Variants in TMEM132C observed in about 807,000 individuals in gnomAD.
TMEM132C encodes protein phosphatase 1, regulatory subunit 152.
In TMEM132C, 29 loss-of-function variants were observed where a neutral mutation model predicts 61.4. The ratio of observed to expected loss-of-function variants is 0.47; its 90% confidence interval spans 0.35 to 0.64. The LOEUF (loss-of-function observed/expected upper bound fraction) is 0.64, where lower values mean the gene tolerates loss of function less well. Ranked by LOEUF, TMEM132C falls within the 30% of genes least tolerant of loss-of-function variation. TMEM132C has a pLI of 0.00. For synonymous variants in TMEM132C, 656 were observed against 633.1 expected, an observed-to-expected ratio of 1.04 and a Z score of -0.54; for missense variants, 1,408 against 1,476.9, an observed-to-expected ratio of 0.95 and a Z score of 0.76.
chr12:128,568,667 CTA>C (rs1874778173), intron 3 of TMEM132C, among the ~76,000 whole-genome samples: 1 of 152,216 alleles, frequency 6.6e-6, no homozygotes, highest in African/African-American at 2.4e-5. Context: ...AGCTCAGAAT[CTA>C]TGTTCTTAAC....
chr12:128,474,781 T>C (rs1871101106), intron 2 of TMEM132C, among the ~76,000 whole-genome samples: 1 of 152,130 alleles, frequency 6.6e-6, no homozygotes, highest in African/African-American at 2.4e-5. Context: ...CAGTGGTCTG[T>C]TGAAAACCTC....
intron 4 of TMEM132C, among the ~76,000 whole-genome samples, chr12:128,639,510 C>A (rs184776151): frequency 6.6e-6 from 1 of 152,194 alleles, no homozygotes; most frequent in South Asian, 2.1e-4. Context: ...AAAATCAGAT[C>A]TGATAAATGA....
chr12:128,452,538 C>T (rs796112451), intron 2 of TMEM132C, among the ~76,000 whole-genome samples: 2 of 149,874 alleles, frequency 1.3e-5, no homozygotes, highest in South Asian at 4.3e-4. Context: ...CAAAAATTAG[C>T]CAGGCATGGT....
chr12:128,587,176 A>G (rs1234463939), intron 3 of TMEM132C, among the ~76,000 whole-genome samples: 1 of 152,250 alleles, frequency 6.6e-6, no homozygotes, highest in African/African-American at 2.4e-5. Context: ...CCAAAGTATT[A>G]CATAAGATGG....
chr12:128,314,280 A>G (rs2135929304), intron 1 of TMEM132C, among the ~76,000 whole-genome samples: 1 of 152,308 alleles, frequency 6.6e-6, no homozygotes, highest in Non-Finnish European at 1.5e-5. Flanking sequence ...ATTGGTTTTC[A>G]GGTGATTTCT....
intron 5 of TMEM132C, among the ~76,000 whole-genome samples, chr12:128,672,959 G>A (rs1288136457): frequency 6.6e-6 from 1 of 152,224 alleles, no homozygotes; most frequent in Non-Finnish European, 1.5e-5. Flanking sequence ...CGAGGTCAGA[G>A]ACAAATGACA....
intron 5 of TMEM132C, among the ~76,000 whole-genome samples, chr12:128,680,518 A>G (rs1353068169): frequency 1.3e-5 from 2 of 152,232 alleles, no homozygotes; most frequent in Non-Finnish European, 2.9e-5. Context: ...AATAAAATGA[A>G]AATTTCAGCT....
chr12:128,662,062 A>G (rs1954396632), intron 4 of TMEM132C, among the ~76,000 whole-genome samples: 1 of 152,238 alleles, frequency 6.6e-6, no homozygotes, highest in South Asian at 2.1e-4. Flanking sequence ...TTTTAAAGTT[A>G]TCAGCCATGT....
At chr12:128,445,650 C>T (rs1228697285) in intron 2 of TMEM132C, among the ~76,000 whole-genome samples, 1 of 152,230 alleles carries the variant, frequency 6.6e-6, no homozygotes, top group Non-Finnish European at 1.5e-5. Flanking sequence ...CCGCTGGAGA[C>T]ACTTCCCAGG....
intron 1 of TMEM132C, among the ~76,000 whole-genome samples, chr12:128,286,010 TCC>T: frequency 7.0e-6 from 1 of 143,380 alleles, no homozygotes. Flanking sequence ...CCCATCTCTA[TCC>T]CTCTCTCCCT....
chr12:128,361,658 CTTTT>C (rs992741621), intron 1 of TMEM132C, among the ~76,000 whole-genome samples: 3 of 80,160 alleles, frequency 3.7e-5, no homozygotes, highest in Non-Finnish European at 7.7e-5. Context: ...ACTCCTCTTT[CTTTT>C]GATTTTTTTT....
At chr12:128,650,933 A>G (rs1415283772) in intron 4 of TMEM132C, among the ~76,000 whole-genome samples, 1 of 152,196 alleles carries the variant, frequency 6.6e-6, no homozygotes, top group African/African-American at 2.4e-5. Flanking sequence ...GACCAGAGTC[A>G]TAACACTGAC....
At chr12:128,369,114 A>G (rs1230177413) in intron 1 of TMEM132C, among the ~76,000 whole-genome samples, 1 of 152,198 alleles carries the variant, frequency 6.6e-6, no homozygotes, top group Non-Finnish European at 1.5e-5. Flanking sequence ...GACAGTGACA[A>G]ATATGATAAT....
At chr12:128,504,861 G>A (rs569209504) in intron 2 of TMEM132C, among the ~76,000 whole-genome samples, 44 of 149,352 alleles carry the variant, frequency 2.9e-4, no homozygotes, top group East Asian at 8.3e-4. Context: ...AATTCAGTCC[G>A]TAATAATTTT....
intron 3 of TMEM132C, among the ~76,000 whole-genome samples, chr12:128,584,833 C>T (rs2135561919): frequency 6.6e-6 from 1 of 152,302 alleles, no homozygotes; most frequent in African/African-American, 2.4e-5. Flanking sequence ...ATGGCTGTCC[C>T]CACAGGCAGC....
At chr12:128,639,906 G>A (rs1014606373) in intron 4 of TMEM132C, among the ~76,000 whole-genome samples, 4 of 152,226 alleles carry the variant, frequency 2.6e-5, no homozygotes, top group African/African-American at 9.7e-5. Context: ...ACTGTTACAT[G>A]GAAGAAGTTC....
intron 1 of TMEM132C, among the ~76,000 whole-genome samples, chr12:128,315,678 C>T (rs1369289873): frequency 1.3e-5 from 2 of 152,060 alleles, no homozygotes; most frequent in Non-Finnish European, 2.9e-5. Flanking sequence ...CTCATGTGAC[C>T]TTATTTGGAA....
intron 1 of TMEM132C, among the ~76,000 whole-genome samples, chr12:128,329,143 G>A (rs1328651729): frequency 6.6e-6 from 1 of 152,074 alleles, no homozygotes; most frequent in African/African-American, 2.4e-5. Context: ...GGTAACCCGG[G>A]GATTTGCAAA....
intron 2 of TMEM132C, among the ~76,000 whole-genome samples, chr12:128,495,501 T>G (rs1871913177): frequency 1.3e-5 from 2 of 152,214 alleles, no homozygotes; most frequent in South Asian, 2.1e-4. Context: ...AAGGACTTGC[T>G]TTATGAATCT....
Sources: gnomAD v4.1 joint callset for allele counts (sites outside exome capture counted in the v4.1 genomes callset) on GRCh38, gnomAD v4.1.1 for gene constraint, MANE v1.5 for transcripts, NCBI Gene and HGNC (gene_info 2026-07-23, HGNC 2026-07-21) for gene names.